Variants in HPS4 observed in about 807,000 individuals in gnomAD.
The protein encoded by HPS4 is BLOC-3 complex member HPS4.
Under a neutral mutation model 70.3 loss-of-function variants are expected in HPS4, and 44 were observed. The observed-to-expected ratio is 0.63, with a 90% CI of 0.49 to 0.80. The LOEUF (loss-of-function observed/expected upper bound fraction) is 0.80. Ranked by LOEUF, HPS4 falls within the 30% of genes least tolerant of loss-of-function variation. The pLI is 0.00. For synonymous variants in HPS4, 377 were observed against 355.9 expected, an observed-to-expected ratio of 1.06 and a Z score of -0.67; for missense variants, 873 against 884.4, an observed-to-expected ratio of 0.99 and a Z score of 0.16.
At chr22:26,448,751 G>A (rs1411968520), downstream of HPS4, among the ~76,000 whole-genome samples, 2 of 147,972 alleles carry the variant, frequency 1.4e-5, no homozygotes, top group East Asian at 3.8e-4. Context: ...GATCAACAGA[G>A]AAGGTGTCCT....
In HPS4 at chr22:26,453,054, A is replaced by C; in HGVS notation, c.*179T>G. The C allele has an allele frequency of 3.0e-6, 2 of 672,660 alleles. No homozygotes were observed. The highest frequency in any genetic ancestry group is 5.1e-6 in the Non-Finnish European group (2 of 394,388). 41.7% of individuals were successfully genotyped at this position (672,660 alleles called of 1,614,324 possible). A position where few individuals can be genotyped will look rare whatever the true frequency, so the allele number is the denominator to read the frequency against. ...TCTGGGTCTGCCGACCTGAAGAACT[A>C]ACCCCTGCCCCCAAAACACATCCCA... On this transcript the variant is annotated 3_prime_UTR_variant, in exon 14 of 14. Coordinates refer to ENST00000398145, the MANE Select transcript of HPS4 (RefSeq NM_022081.6).
chr22:26,475,434 C>A (rs943599522), intron 4 of HPS4: 3 of 144,854 alleles, frequency 2.1e-5, no homozygotes, highest in Admixed American at 1.4e-4. Context: ...CTCACTGTAA[C>A]CTCTGCCTCC....
intron 4 of HPS4, among the ~76,000 whole-genome samples, chr22:26,473,740 TC>T (rs1477584789): frequency 2.7e-5 from 4 of 150,720 alleles, no homozygotes; most frequent in Admixed American, 6.6e-5. Context: ...AGACACCGTC[TC>T]AAAAAAAAAA....
In HPS4 at chr22:26,466,227, A is replaced by G. The variant is rs1262025584; in HGVS notation, c.705T>C (p.His235=). ...GCAACCATGCGCCTCACTACTTACC[A>G]TGTTCCTGCGGGGCATCCTCTCCCG... ...LPTGEDAPQE[H]GAALPPNVQI... is the part of the protein sequence containing the mutation. Residue 235 remains histidine, a splice_region_variant and synonymous_variant, in exon 9 of 14, where the codon CAT becomes CAC. Coordinates refer to ENST00000398145, the MANE Select transcript of HPS4 (RefSeq NM_022081.6). 1 of 1,614,212 alleles carries G rather than the reference A, an allele frequency of 6.2e-7. No homozygotes were observed. Among genetic ancestry groups the G allele is most frequent in the Non-Finnish European group, 8.5e-7 (1 of 1,180,022 alleles).
chr22:26,470,049 TCTC>T (rs1240255363), intron 7 of HPS4, among the ~76,000 whole-genome samples: 2 of 152,220 alleles, frequency 1.3e-5, no homozygotes, highest in Non-Finnish European at 2.9e-5. Flanking sequence ...CCTCAGTGCT[TCTC>T]CATTTACACA....
intron 3 of HPS4, among the ~76,000 whole-genome samples, chr22:26,478,294 C>G (rs905779146): frequency 1.3e-5 from 2 of 151,932 alleles, no homozygotes; most frequent in Non-Finnish European, 2.9e-5. Context: ...AAAGTATTGC[C>G]GGGCGTGGTG....
intron 13 of HPS4, chr22:26,453,669 A>T (rs1441741672): frequency 1.9e-6 from 1 of 517,978 alleles, no homozygotes; most frequent in Non-Finnish European, 3.5e-6. Context: ...TCCTGGAGTT[A>T]TAAGTATTGC....
chr22:26,476,132 G>A (rs528726046), intron 4 of HPS4: 7 of 152,128 alleles, frequency 4.6e-5, no homozygotes, highest in Admixed American at 4.6e-4. Context: ...AATGCTAACT[G>A]TAGAATTGAG....
intron 2 of HPS4, among the ~76,000 whole-genome samples, chr22:26,480,706 T>C (rs1218633313): frequency 2.0e-5 from 3 of 151,928 alleles, no homozygotes; most frequent in Non-Finnish European, 4.4e-5. Flanking sequence ...TGCTTGAGCT[T>C]AGGAGTTCGA....
chr22:26,470,885 G>A (rs1464134849), intron 6 of HPS4, 72 bp from the exon 7 acceptor site: 1 of 1,594,994 alleles, frequency 6.3e-7, no homozygotes, highest in Non-Finnish European at 8.5e-7. Flanking sequence ...AAGGGGAAAG[G>A]GTTGTACAGA....
At chr22:26,450,300 C>T (rs1362886428), downstream of HPS4, among the ~76,000 whole-genome samples, 1 of 152,178 alleles carries the variant, frequency 6.6e-6, no homozygotes, top group African/African-American at 2.4e-5. Flanking sequence ...AGGTCTGCTG[C>T]TACTCACCCA....
rs886057306 is a variant in HPS4, at chr22:26,451,996, G to GCACACACA, written c.*1236_*1237insTGTGTGTG. 5.0e-5 allele frequency: 2 copies of GCACACACA among 40,228 alleles called. No homozygotes were observed. Among genetic ancestry groups the GCACACACA allele is most frequent in the Non-Finnish European group, 1.5e-4 (2 of 13,398 alleles). 2.5% of individuals were successfully genotyped at this position (40,228 alleles called of 1,614,324 possible). A position where few individuals can be genotyped will look rare whatever the true frequency, so the allele number is the denominator to read the frequency against. Reference sequence around the variant, plus strand: ...GGATGCGCCCACGTTACGCGCGCGCGCGCGCGCGCACACACACACACACAC... The same window carrying GCACACACA: ...GGATGCGCCCACGTTACGCGCGCGCGCACACACACGCGCGCGCACACACACACACACAC... On this transcript the variant is annotated 3_prime_UTR_variant, in exon 14 of 14. Coordinates refer to ENST00000398145, the MANE Select transcript of HPS4 (RefSeq NM_022081.6).
intron 13 of HPS4, 114 bp from the exon 14 acceptor site, chr22:26,453,518 T>A: frequency 9.3e-7 from 1 of 1,081,036 alleles, no homozygotes; most frequent in Non-Finnish European, 1.4e-6. Context: ...CAATGTGGCA[T>A]GTGCAGCTGT....
chr22:26,456,185 C>T (rs926446508), intron 13 of HPS4, among the ~76,000 whole-genome samples: 1 of 152,208 alleles, frequency 6.6e-6, no homozygotes, highest in Non-Finnish European at 1.5e-5. Flanking sequence ...ACCACCCATG[C>T]CCCTCACACT....
downstream of HPS4, among the ~76,000 whole-genome samples, chr22:26,447,742 C>T (rs5761529): frequency 0.88 from 133,928 of 151,904 alleles, 59,600 homozygotes; most frequent in Non-Finnish European, 0.95. Flanking sequence ...GCAGGGAAAA[C>T]ACTCAAGCAG....
chr22:26,449,815 G>A (rs550065934), downstream of HPS4, among the ~76,000 whole-genome samples: 1 of 152,334 alleles, frequency 6.6e-6, no homozygotes, highest in South Asian at 2.1e-4. Flanking sequence ...TGTAACAAAT[G>A]AGCATATACC....
In HPS4 at chr22:26,468,748, A is replaced by G. The variant is rs909043090; in HGVS notation, c.597-125T>C. 11 of 826,506 alleles carry G rather than the reference A, an allele frequency of 1.3e-5. No individual in the cohort carries two copies. In the Admixed American group the frequency reaches 2.2e-4, roughly 17 times the overall value. The allele number at this position is 826,506 out of a possible 1,614,324, so 51.2% of individuals were successfully genotyped here. A position where few individuals can be genotyped will look rare whatever the true frequency, so the allele number is the denominator to read the frequency against. Reference sequence around the variant, plus strand: ...GGGGACTTGGCTGGTGGGAGTTTCAACTGGTAAAACCCTTACAGAGGGCAC... The same window carrying G: ...GGGGACTTGGCTGGTGGGAGTTTCAGCTGGTAAAACCCTTACAGAGGGCAC... On this transcript the variant is annotated intron_variant, in intron 7 of 13. Coordinates refer to ENST00000398145, the MANE Select transcript of HPS4 (RefSeq NM_022081.6).
Position 26,452,427 on chromosome 22 carries a change from C to T in HPS4, c.*806G>A. 1 of 450,948 alleles carries T rather than the reference C, an allele frequency of 2.2e-6. No individual in the cohort carries two copies. Among genetic ancestry groups the T allele is most frequent in the Non-Finnish European group, 4.4e-6 (1 of 225,264 alleles). 27.9% of individuals were successfully genotyped at this position (450,948 alleles called of 1,614,324 possible). The stretch of plus-strand genomic sequence containing the variant: ...CTGAAAAGCACAGTGCTTTTACCCC[C>T]AGACATCTTGTAAACTCCTATTTAG... On this transcript the variant is annotated 3_prime_UTR_variant, in exon 14 of 14. Coordinates refer to ENST00000398145, the MANE Select transcript of HPS4 (RefSeq NM_022081.6).
intron 6 of HPS4, chr22:26,471,110 G>A: frequency 2.1e-6 from 1 of 482,222 alleles, no homozygotes; most frequent in Non-Finnish European, 3.8e-6. Flanking sequence ...AGATGGCCTG[G>A]GAGACCGACT....
Sources: allele counts gnomAD v4.1 joint callset (sites outside exome capture counted in the v4.1 genomes callset), GRCh38; gene constraint gnomAD v4.1.1; transcripts MANE v1.5; gene names NCBI Gene and HGNC (gene_info 2026-07-23, HGNC 2026-07-21).